The following DMXL2 variants were observed in gnomAD, a reference collection of about 807,000 sequenced individuals.
The protein encoded by DMXL2 is dmX-like protein 2.
Under a neutral mutation model 331.1 loss-of-function variants are expected in DMXL2, and 103 were observed. The observed-to-expected ratio is 0.31, with a 90% CI of 0.27 to 0.37. DMXL2 has a LOEUF of 0.37. Among genes scored for constraint, DMXL2 ranks in the 10% least tolerant of loss-of-function variants. The pLI, the probability that DMXL2 is intolerant of heterozygous loss-of-function variation, is 1.00. For synonymous variants in DMXL2, 1,281 were observed against 1,252.1 expected (o/e 1.02, Z -0.49); for missense variants, 3,171 against 3,642.9 (o/e 0.87, Z 3.33).
intron 37 of DMXL2, 65 bp from the exon 38 acceptor site, chr15:51,456,434 C>G: frequency 1.0e-6 from 1 of 990,446 alleles, no homozygotes; most frequent in South Asian, 1.7e-5. Flanking sequence ...GGATATGCTT[C>G]AGGATAAATT....
At chr15:51,455,336 T>C in intron 39 of DMXL2, 108 bp from the exon 40 acceptor site, 2 of 903,382 alleles carry the variant, frequency 2.2e-6, no homozygotes, top group Non-Finnish European at 3.5e-6. Flanking sequence ...ATTCTGCCTC[T>C]AACTATGTTT....
intron 1 of DMXL2, among the ~76,000 whole-genome samples, chr15:51,600,516 G>A (rs971989898): frequency 6.6e-6 from 1 of 152,160 alleles, no homozygotes; most frequent in Admixed American, 6.5e-5. Context: ...TTGCACTTGC[G>A]TGTCCTAGGT....
At chr15:51,592,032 GCTC>G (rs1421331242) in intron 1 of DMXL2, among the ~76,000 whole-genome samples, 2 of 152,220 alleles carry the variant, frequency 1.3e-5, no homozygotes, top group Non-Finnish European at 2.9e-5. Flanking sequence ...AAGGAAAGCA[GCTC>G]CTCATCAGCA....
At chr15:51,571,529 T>A (rs192625081) in intron 2 of DMXL2, among the ~76,000 whole-genome samples, 67 of 152,282 alleles carry the variant, frequency 4.4e-4, no homozygotes, top group African/African-American at 1.5e-3. Flanking sequence ...GACCACATAA[T>A]TGGAAGTAAA....
intron 43 of DMXL2, 33 bp downstream of exon 43, chr15:51,450,096 T>C: frequency 6.3e-7 from 1 of 1,594,938 alleles, no homozygotes; most frequent in East Asian, 2.2e-5. Flanking sequence ...CCAATCAGTC[T>C]TTAGCACATT....
Position 51,458,525 on chromosome 15 carries a change from ATTC to A in DMXL2, c.8176_8178del (p.Glu2726del). 1 of 1,613,784 alleles carries A rather than the reference ATTC, an allele frequency of 6.2e-7. No homozygotes were observed. The highest frequency in any genetic ancestry group is 8.5e-7 in the Non-Finnish European group (1 of 1,179,828). On this transcript the variant is annotated inframe_deletion, in exon 36 of 44. Transcript: ENST00000560891. ...ACAAACCTTTTGGATTCTCTGTCAT[ATTC>A]TTCTCCGATCCATATGTATGACTGA...
At position 51,563,456 on chromosome 15, in the gene DMXL2, G is replaced by C; in HGVS notation, c.501-9C>G. On this transcript the variant is annotated splice_polypyrimidine_tract_variant and intron_variant, in intron 5 of 43. Coordinates refer to ENST00000560891, the MANE Select transcript of DMXL2 (RefSeq NM_001378457.1). ...GTACAGATACTGAGGTTCTAAAAAA[G>C]AGAGAGTTAGGCAATTAGCCCTTTT... The C allele has an allele frequency of 6.3e-7, 1 of 1,596,734 alleles. No individual in the cohort carries two copies. The highest frequency in any genetic ancestry group is 8.5e-7 in the Non-Finnish European group (1 of 1,171,792).
At chr15:51,622,253 C>CT (rs2054693060) in intron 1 of DMXL2, among the ~76,000 whole-genome samples, 1 of 152,128 alleles carries the variant, frequency 6.6e-6, no homozygotes, top group African/African-American at 2.4e-5. Flanking sequence ...AGCCTTTCCC[C>CT]TAACGGGTGA....
rs1460907517 is a variant in DMXL2, at chr15:51,480,769, C to T, written c.6337G>A (p.Glu2113Lys). 2 of 1,600,434 alleles carry T rather than the reference C, an allele frequency of 1.2e-6. No individual in the cohort carries two copies. Among genetic ancestry groups the T allele is most frequent in the Admixed American group, 3.4e-5 (2 of 58,840 alleles). ...ATATCTGGTTTGTCTACCATTTCTT[C>T]CTGATCCAGCAGATCACTCTCTACT... ...SKVESDLLDQ[E>K]EMVDKPDIGS... The change falls in exon 24 of 44, where the codon GAA becomes AAA. Residue 2113 changes from glutamate (E) to lysine (K), a missense_variant. Physicochemically the swap from Glu to Lys is moderately conservative, Grantham distance 56. This residue lies in a region of DMXL2 where 197 missense variants were observed against 196.2 expected (regional missense o/e 1.00). Transcript: ENST00000560891.
intron 39 of DMXL2, among the ~76,000 whole-genome samples, chr15:51,455,722 C>A (rs2039563751): frequency 6.6e-6 from 1 of 152,150 alleles, no homozygotes; most frequent in Non-Finnish European, 1.5e-5. Context: ...TTACCTGTTT[C>A]ACTGTTTTCC....
chr15:51,618,545 G>A (rs2054432039), intron 1 of DMXL2, among the ~76,000 whole-genome samples: 1 of 151,298 alleles, frequency 6.6e-6, no homozygotes, highest in Admixed American at 6.6e-5. Context: ...CCTTTTGTTG[G>A]TATTTTAATT....
chr15:51,551,809 T>C (rs1026450742), intron 6 of DMXL2, among the ~76,000 whole-genome samples: 1 of 152,222 alleles, frequency 6.6e-6, no homozygotes, highest in African/African-American at 2.4e-5. Context: ...CCACAGAGCT[T>C]ATTCTTTAGA....
chr15:51,479,030 TTAC>T (rs2041811011), intron 25 of DMXL2, among the ~76,000 whole-genome samples: 1 of 152,194 alleles, frequency 6.6e-6, no homozygotes, highest in Admixed American at 6.5e-5. Context: ...CTTATACAGA[TTAC>T]TCTTTGAAAG....
At chr15:51,545,929 T>C (rs1228398314) in intron 7 of DMXL2, among the ~76,000 whole-genome samples, 163 bp from the exon 8 acceptor site, 1 of 152,108 alleles carries the variant, frequency 6.6e-6, no homozygotes, top group Non-Finnish European at 1.5e-5. Flanking sequence ...ACTGTGAACA[T>C]CATAAGAACC....
At chr15:51,571,231 G>A in intron 2 of DMXL2, among the ~76,000 whole-genome samples, 1 of 152,176 alleles carries the variant, frequency 6.6e-6, no homozygotes, top group Non-Finnish European at 1.5e-5. Flanking sequence ...AACGAGAAGA[G>A]CTAACTATCC....
chr15:51,544,840 T>C (rs2048804263), intron 8 of DMXL2, among the ~76,000 whole-genome samples: 1 of 152,148 alleles, frequency 6.6e-6, no homozygotes, highest in Non-Finnish European at 1.5e-5. Context: ...CTTCTCCTTT[T>C]CTTAATCCAA....
intron 17 of DMXL2, among the ~76,000 whole-genome samples, chr15:51,502,306 T>TTGTGTGTG (rs769283309): frequency 0.07 from 9,797 of 140,526 alleles, 394 homozygotes; most frequent in African/African-American, 0.11. Context: ...TTTTGTGGGT[T>TTGTGTGTG]TGTGTGTGTG....
At chr15:51,552,627 C>T (rs973615634) in intron 6 of DMXL2, among the ~76,000 whole-genome samples, 2 of 152,146 alleles carry the variant, frequency 1.3e-5, no homozygotes, top group African/African-American at 2.4e-5. Flanking sequence ...TCCTGGTTTT[C>T]GTTTTATTTC....
At position 51,483,805 on chromosome 15, in the gene DMXL2, C is replaced by T. The variant is rs1270608373; in HGVS notation, c.5483-2182G>A. Reference sequence around the variant, plus strand: ...CCACTTCCACGGCCCTGTGGGCTATCCCTGGTGGACACATCCCAGCCTGGT... The same window carrying T: ...CCACTTCCACGGCCCTGTGGGCTATTCCTGGTGGACACATCCCAGCCTGGT... On this transcript the variant is annotated intron_variant, in intron 23 of 43. Transcript: ENST00000560891. Among the ~76,000 whole-genome samples the T allele has an allele frequency of 2.0e-5, 3 of 151,950 alleles. No individual in the cohort carries two copies. The East Asian group carries it at 5.8e-4, about 30-fold the overall frequency.
Sources: allele counts gnomAD v4.1 joint callset (sites outside exome capture counted in the v4.1 genomes callset), GRCh38; gene constraint gnomAD v4.1.1; regional missense constraint gnomAD v4.1.1; transcripts MANE v1.5; gene names NCBI Gene and HGNC (gene_info 2026-07-23, HGNC 2026-07-21).